The following RANBP2 variants were observed in gnomAD, a reference collection of about 807,000 sequenced individuals.
RANBP2 encodes RAN binding protein 2.
Under a neutral mutation model 303.6 loss-of-function variants are expected in RANBP2, and 57 were observed. The ratio of observed to expected loss-of-function variants is 0.19; its 90% CI spans 0.15 to 0.23. The LOEUF (loss-of-function observed/expected upper bound fraction) is 0.23, where lower values mean the gene tolerates loss of function less well. Among genes scored for constraint, RANBP2 ranks in the 10% least tolerant of loss-of-function variants. The pLI is 1.00. For synonymous variants in RANBP2, 1,167 were observed against 1,301.5 expected (o/e 0.90, Z 2.23); for missense variants, 3,138 against 3,780.8 (o/e 0.83, Z 4.46).
At chr2:109,423,200 G>A in the RANBP2 span, among the ~76,000 whole-genome samples, 2 of 152,114 alleles carry the variant, frequency 1.3e-5, no homozygotes, top group African/African-American at 4.8e-5. Flanking sequence ...GAGATGGGGG[G>A]TTGGCCTGCA....
chr2:108,994,191 C>G, the RANBP2 span, among the ~76,000 whole-genome samples: 127 of 152,320 alleles, frequency 8.3e-4, 2 homozygotes, highest in African/African-American at 2.9e-3. Flanking sequence ...TGGAACACAG[C>G]TGTCAATAAT....
rs1305837574 is a variant in RANBP2, at chr2:108,775,724, CTT to C, written c.8293-6_8293-5del. ...GTGGCATAGTATTTTGTGACTTCCTCTTTGCAGAAATCTCAGACAGAAGAAAT... is the reference window on the plus strand; with the variant it reads ...GTGGCATAGTATTTTGTGACTTCCTCTGCAGAAATCTCAGACAGAAGAAAT... On this transcript the variant is annotated splice_polypyrimidine_tract_variant and splice_region_variant and intron_variant, in intron 23 of 28. Transcript: ENST00000283195. 3 of 1,613,432 alleles carry C rather than the reference CTT, an allele frequency of 1.9e-6. No individual in the cohort carries two copies. Among genetic ancestry groups the C allele is most frequent in the Admixed American group, 1.7e-5 (1 of 60,012 alleles).
At chr2:109,489,876 T>C in the RANBP2 span, among the ~76,000 whole-genome samples, 1 of 152,174 alleles carries the variant, frequency 6.6e-6, no homozygotes, top group Non-Finnish European at 1.5e-5. Flanking sequence ...TATCTGGGAT[T>C]ACAGGCAAGT....
the RANBP2 span, among the ~76,000 whole-genome samples, chr2:109,542,603 C>A: frequency 6.6e-6 from 1 of 152,180 alleles, no homozygotes; most frequent in African/African-American, 2.4e-5. Flanking sequence ...TACCGTGATG[C>A]TGGCCTGGCT....
At chr2:109,191,076 C>T in the RANBP2 span, among the ~76,000 whole-genome samples, 1 of 151,960 alleles carries the variant, frequency 6.6e-6, no homozygotes, top group Non-Finnish European at 1.5e-5. Flanking sequence ...CTGTTGTATT[C>T]GGAAAGTAGC....
At chr2:109,078,265 CGCGTATATATATAT>C in the RANBP2 span, among the ~76,000 whole-genome samples, 2 of 13,332 alleles carry the variant, frequency 1.5e-4, no homozygotes, top group African/African-American at 7.2e-4. Flanking sequence ...ATATATATAG[CGCGTATATATATAT>C]ATATATATAT....
At chr2:109,314,792 G>A in the RANBP2 span, among the ~76,000 whole-genome samples, 1 of 152,160 alleles carries the variant, frequency 6.6e-6, no homozygotes, top group African/African-American at 2.4e-5. Context: ...TTAATTTAGG[G>A]TGTGACAGTA....
At chr2:109,146,657 C>G in the RANBP2 span, among the ~76,000 whole-genome samples, 1 of 152,192 alleles carries the variant, frequency 6.6e-6, no homozygotes, top group African/African-American at 2.4e-5. Context: ...CTCCTTGAGG[C>G]TGCTTTGGTC....
chr2:108,727,048 C>G (rs1014724196), intron 1 of RANBP2, among the ~76,000 whole-genome samples: 3 of 152,120 alleles, frequency 2.0e-5, no homozygotes, highest in African/African-American at 7.2e-5. Context: ...TACACAGACA[C>G]GGCAACCATC....
At chr2:109,615,334 G>C in the RANBP2 span, 1 of 1,611,730 alleles carries the variant, frequency 6.2e-7, no homozygotes, top group South Asian at 1.1e-5. Context: ...AAGTGGGACA[G>C]CCTGGAGGGC....
chr2:109,056,051 C>A, the RANBP2 span, among the ~76,000 whole-genome samples: 1 of 152,176 alleles, frequency 6.6e-6, no homozygotes, highest in Non-Finnish European at 1.5e-5. Context: ...AGCCACTGAG[C>A]CCAGCCAACA....
At chr2:109,500,777 C>T in the RANBP2 span, among the ~76,000 whole-genome samples, 1 of 151,964 alleles carries the variant, frequency 6.6e-6, no homozygotes, top group East Asian at 1.9e-4. Flanking sequence ...AGCAAGACCC[C>T]ATCTCTACAA....
chr2:109,197,728 A>G, the RANBP2 span, among the ~76,000 whole-genome samples: 10 of 152,246 alleles, frequency 6.6e-5, no homozygotes, highest in Non-Finnish European at 1.0e-4. Flanking sequence ...TTGCTGGAGT[A>G]GAAGGGTGGC....
At chr2:108,788,441 G>A (rs769486722), downstream of RANBP2, among the ~76,000 whole-genome samples, 2 of 150,136 alleles carry the variant, frequency 1.3e-5, no homozygotes, top group Non-Finnish European at 3.0e-5. Flanking sequence ...AAAATAGGCT[G>A]CGCGCGGTGG....
the RANBP2 span, among the ~76,000 whole-genome samples, chr2:109,429,961 C>T: frequency 6.6e-6 from 1 of 152,208 alleles, no homozygotes; most frequent in Non-Finnish European, 1.5e-5. Flanking sequence ...GGAACAAGGC[C>T]TCCACAGAGC....
chr2:109,376,456 A>G, the RANBP2 span, among the ~76,000 whole-genome samples: 1 of 152,204 alleles, frequency 6.6e-6, no homozygotes, highest in East Asian at 1.9e-4. Context: ...GGAGACTTAG[A>G]AGGCATGTTA....
chr2:109,478,899 T>C, the RANBP2 span, among the ~76,000 whole-genome samples: 1 of 152,200 alleles, frequency 6.6e-6, no homozygotes, highest in African/African-American at 2.4e-5. Context: ...TCAGGGATGC[T>C]GTGGGTTGGG....
At chr2:108,838,842 A>T in the RANBP2 span, among the ~76,000 whole-genome samples, 1 of 152,088 alleles carries the variant, frequency 6.6e-6, no homozygotes, top group South Asian at 2.1e-4. Flanking sequence ...TCACCCCAGA[A>T]TATGCCATGG....
At chr2:109,394,903 A>G in the RANBP2 span, among the ~76,000 whole-genome samples, 3 of 152,174 alleles carry the variant, frequency 2.0e-5, no homozygotes, top group African/African-American at 4.8e-5. Context: ...GGCTGCTCCT[A>G]ATGGGTGCAC....
Sources: gnomAD v4.1 joint callset for allele counts (sites outside exome capture counted in the v4.1 genomes callset) on GRCh38, gnomAD v4.1.1 for gene constraint, MANE v1.5 for transcripts, NCBI Gene and HGNC (gene_info 2026-07-23, HGNC 2026-07-21) for gene names.